ZFPM2: variants seen among roughly 807,000 people sequenced by gnomAD.
The protein encoded by ZFPM2 is zinc finger protein, FOG family member 2, also known as zinc finger protein ZFPM2.
ZFPM2 carries 20 observed loss-of-function variants against 98.6 expected under a neutral mutation model. That is an observed-to-expected ratio of 0.20 (90% CI 0.14 to 0.29). ZFPM2 has a LOEUF of 0.29. ZFPM2 is among the 10% of genes least tolerant of loss of function. ZFPM2 has a pLI of 1.00. For missense variants in ZFPM2, 1,310 were observed against 1,388.6 expected, an observed-to-expected ratio of 0.94 and a Z score of 0.90; for synonymous variants, 518 against 502.7, an observed-to-expected ratio of 1.03 and a Z score of -0.41.
At chr8:105,642,696 A>T (rs1209663610) in intron 5 of ZFPM2, among the ~76,000 whole-genome samples, 2 of 152,208 alleles carry the variant, frequency 1.3e-5, no homozygotes, top group African/African-American at 4.8e-5. Context: ...TGTCATGAGG[A>T]GTACAAATGA....
chr8:105,514,581 G>T (rs537493918), intron 3 of ZFPM2, among the ~76,000 whole-genome samples: 1 of 151,954 alleles, frequency 6.6e-6, no homozygotes, highest in Non-Finnish European at 1.5e-5. Flanking sequence ...TATAAACAGC[G>T]CATTGCTTTT....
intron 5 of ZFPM2, among the ~76,000 whole-genome samples, chr8:105,736,817 T>C (rs1812083217): frequency 6.6e-6 from 1 of 152,078 alleles, no homozygotes; most frequent in Non-Finnish European, 1.5e-5. Flanking sequence ...TCTACTAATA[T>C]AATGCAAGTA....
At chr8:105,386,169 A>G (rs1810984968) in intron 1 of ZFPM2, among the ~76,000 whole-genome samples, 1 of 152,208 alleles carries the variant, frequency 6.6e-6, no homozygotes, top group South Asian at 2.1e-4. Context: ...AGTAAAACAA[A>G]CAGAATATTC....
At chr8:105,483,859 G>T (rs1158864012) in intron 3 of ZFPM2, among the ~76,000 whole-genome samples, 1 of 149,782 alleles carries the variant, frequency 6.7e-6, no homozygotes, top group Non-Finnish European at 1.5e-5. Context: ...TCAGCCTCCC[G>T]AGTAGCTGGG....
intron 4 of ZFPM2, among the ~76,000 whole-genome samples, chr8:105,598,633 C>T (rs1173209127): frequency 2.6e-5 from 4 of 152,096 alleles, no homozygotes; most frequent in South Asian, 2.1e-4. Context: ...CGCTTTCTCA[C>T]GTTAAATAAA....
intron 3 of ZFPM2, among the ~76,000 whole-genome samples, chr8:105,552,148 A>G (rs1814868980): frequency 6.6e-6 from 1 of 152,136 alleles, no homozygotes; most frequent in Non-Finnish European, 1.5e-5. Flanking sequence ...CAGGATCAAT[A>G]GTTGATTTTT....
At chr8:105,380,812 A>T (rs1423220504) in intron 1 of ZFPM2, among the ~76,000 whole-genome samples, 2 of 71,388 alleles carry the variant, frequency 2.8e-5, no homozygotes, top group East Asian at 3.8e-4. Flanking sequence ...GTTATATATA[A>T]TATATATAAT....
At chr8:105,553,884 G>A (rs1209823602) in intron 3 of ZFPM2, among the ~76,000 whole-genome samples, 1 of 151,904 alleles carries the variant, frequency 6.6e-6, no homozygotes. Flanking sequence ...ATAAGTTCAT[G>A]CGCCGGATAA....
chr8:105,337,101 TC>T (rs1290181911), intron 1 of ZFPM2, among the ~76,000 whole-genome samples: 4 of 151,766 alleles, frequency 2.6e-5, no homozygotes, highest in African/African-American at 9.7e-5. Flanking sequence ...TGTCTCTAAA[TC>T]CCAGACATAC....
At chr8:105,767,204 T>C (rs1460557913) in intron 5 of ZFPM2, among the ~76,000 whole-genome samples, 2 of 151,922 alleles carry the variant, frequency 1.3e-5, no homozygotes, top group African/African-American at 4.8e-5. Context: ...AAGCATGGTT[T>C]GATTTTACAT....
intron 2 of ZFPM2, among the ~76,000 whole-genome samples, chr8:105,434,369 A>AAT (rs1812080639): frequency 6.6e-6 from 1 of 152,218 alleles, no homozygotes; most frequent in Admixed American, 6.5e-5. Flanking sequence ...TGAGGCTATT[A>AAT]AGCAAAGCAA....
At chr8:105,416,899 A>G (rs1220674370) in intron 1 of ZFPM2, among the ~76,000 whole-genome samples, 2 of 151,842 alleles carry the variant, frequency 1.3e-5, no homozygotes, top group Non-Finnish European at 2.9e-5. Context: ...ATATGAATTG[A>G]CCATTTTCTA....
At chr8:105,531,742 A>G (rs752801297) in intron 3 of ZFPM2, among the ~76,000 whole-genome samples, 4 of 152,198 alleles carry the variant, frequency 2.6e-5, no homozygotes, top group Non-Finnish European at 5.9e-5. Context: ...ATAACTACCT[A>G]TTTTCCAAAT....
At chr8:105,457,254 C>T (rs1170521115) in intron 3 of ZFPM2, among the ~76,000 whole-genome samples, 1 of 152,116 alleles carries the variant, frequency 6.6e-6, no homozygotes, top group Non-Finnish European at 1.5e-5. Context: ...TTATAATAAA[C>T]TCATGCACTT....
chr8:105,418,351 A>G (rs560154915), intron 1 of ZFPM2, among the ~76,000 whole-genome samples: 2 of 152,118 alleles, frequency 1.3e-5, no homozygotes, highest in South Asian at 2.1e-4. Context: ...GAAATTCACA[A>G]TCAGCCCAGT....
chr8:105,327,686 A>G (rs551376810), intron 1 of ZFPM2, among the ~76,000 whole-genome samples: 37 of 151,928 alleles, frequency 2.4e-4, no homozygotes, highest in Admixed American at 5.3e-4. Flanking sequence ...CTACATTAAG[A>G]TTACCTAGTT....
intron 3 of ZFPM2, among the ~76,000 whole-genome samples, chr8:105,461,433 G>C (rs771795777): frequency 1.3e-5 from 2 of 152,018 alleles, no homozygotes; most frequent in Non-Finnish European, 2.9e-5. Flanking sequence ...TAAATCTGTA[G>C]GATTCAGGAT....
chr8:105,669,156 T>C (rs1241830504), intron 5 of ZFPM2, among the ~76,000 whole-genome samples: 1 of 152,024 alleles, frequency 6.6e-6, no homozygotes, highest in African/African-American at 2.4e-5. Flanking sequence ...AACTAATTAC[T>C]GGGAAAACTT....
At chr8:105,774,675 G>A (rs1408226676) in intron 5 of ZFPM2, among the ~76,000 whole-genome samples, 2 of 152,142 alleles carry the variant, frequency 1.3e-5, no homozygotes, top group Non-Finnish European at 2.9e-5. Flanking sequence ...TTAAAACTTA[G>A]TAAACCTTTA....
Sources: gnomAD v4.1 joint callset for allele counts (sites outside exome capture counted in the v4.1 genomes callset) on GRCh38, gnomAD v4.1.1 for gene constraint, MANE v1.5 for transcripts, NCBI Gene and HGNC (gene_info 2026-07-23, HGNC 2026-07-21) for gene names.